LYST: variants seen among roughly 807,000 people sequenced by gnomAD.
LYST encodes lysosomal-trafficking regulator.
In LYST, 192 loss-of-function variants were observed where a neutral mutation model predicts 413.6. That is an observed-to-expected ratio of 0.46 (90% CI 0.41 to 0.52). The LOEUF (loss-of-function observed/expected upper bound fraction) is 0.52, where lower values mean the gene tolerates loss of function less well. Among genes scored for constraint, LYST ranks in the 20% least tolerant of loss-of-function variants. LYST has a pLI of 0.00. For missense variants in LYST, 3,815 were observed against 4,499.9 expected (o/e 0.85, Z 4.35); for synonymous variants, 1,525 against 1,567.3 (o/e 0.97, Z 0.64).
intron 36 of LYST, among the ~76,000 whole-genome samples, chr1:235,730,416 C>T (rs1038114068): frequency 2.0e-5 from 3 of 151,850 alleles, no homozygotes; most frequent in Non-Finnish European, 4.4e-5. Flanking sequence ...TTAATCACTA[C>T]GTTATATTGC....
chr1:235,764,795 G>A (rs1242964948), intron 21 of LYST, among the ~76,000 whole-genome samples: 1 of 151,970 alleles, frequency 6.6e-6, no homozygotes, highest in African/African-American at 2.4e-5. Flanking sequence ...GAGCCACCGT[G>A]CCTGGCCCCA....
rs1344882899 is a variant in LYST, at chr1:235,686,262, G to C, written c.10800+687C>G. ...CATGCCTGTGGTCCCAGCTACTCGAGAGGCTGAGGCACGAGAATTGATTGA... is the reference window on the plus strand; with the variant it reads ...CATGCCTGTGGTCCCAGCTACTCGACAGGCTGAGGCACGAGAATTGATTGA... On this transcript the variant is annotated intron_variant, in intron 48 of 52. Transcript: ENST00000389793. This position sits in a 1 kb window ranked among gnomAD's most constrained non-coding sequence, Gnocchi z 4.0. 2.0e-5 allele frequency among the ~76,000 whole-genome samples: 3 copies of C among 152,204 alleles called. No individual in the cohort carries two copies. Among genetic ancestry groups the C allele is most frequent in the Non-Finnish European group, 4.4e-5 (3 of 68,042 alleles).
rs375038258 is a variant in LYST at position 235,730,924 on chromosome 1, G to A, written c.8967C>T (p.Leu2989=). 1.1e-5 allele frequency: 18 copies of A among 1,613,048 alleles called. No individual in the cohort carries two copies. Among genetic ancestry groups the A allele is most frequent in the Non-Finnish European group, 1.4e-5 (17 of 1,179,200 alleles). ...GAGTTTTGTCTTCAAACAGGTAAGA[G>A]AGTGGTGGTTTGACAACATCTGTTG... ...QKSEDVVKPP[L]SYLFEDKTHS... is the part of the protein sequence containing the mutation. The change falls in exon 36 of 53, where the codon CTC becomes CTT. Residue 2989 remains leucine (L), a synonymous_variant. Coordinates refer to ENST00000389793, the MANE Select transcript of LYST (RefSeq NM_000081.4).
At chr1:235,727,689 ATTAC>A (rs1166624003) in intron 38 of LYST, among the ~76,000 whole-genome samples, 5 of 152,198 alleles carry the variant, frequency 3.3e-5, no homozygotes, top group Non-Finnish European at 7.4e-5. Context: ...GAATATCAGA[ATTAC>A]TTAAGTTATT....
chr1:235,702,104 T>C (rs186123540), intron 45 of LYST, among the ~76,000 whole-genome samples: 1 of 152,356 alleles, frequency 6.6e-6, no homozygotes, highest in Non-Finnish European at 1.5e-5. Flanking sequence ...TGCAAACCCT[T>C]ACAGTGCTTA....
chr1:235,715,078 TTC>T, intron 42 of LYST, 121 bp downstream of exon 42: 1 of 915,322 alleles, frequency 1.1e-6, no homozygotes, highest in East Asian at 2.6e-5. Flanking sequence ...ATAAATAGAA[TTC>T]TTTTTCCTGT....
chr1:235,709,378 T>C (rs1662225067), intron 43 of LYST, 70 bp from the exon 44 acceptor site: 1 of 1,254,920 alleles, frequency 8.0e-7, no homozygotes, highest in African/African-American at 1.5e-5. Flanking sequence ...AGAGCAGGTC[T>C]TAAGAGTTCA....
intron 13 of LYST, among the ~76,000 whole-genome samples, 182 bp downstream of exon 13, chr1:235,788,519 T>C (rs910340726): frequency 1.3e-5 from 2 of 152,172 alleles, no homozygotes; most frequent in African/African-American, 4.8e-5. Context: ...TTTATGGATT[T>C]TTGGATAGAA....
intron 3 of LYST, among the ~76,000 whole-genome samples, chr1:235,815,709 C>G (rs1673977827): frequency 2.0e-5 from 3 of 152,050 alleles, no homozygotes; most frequent in Admixed American, 6.5e-5. Flanking sequence ...AATAAAATAC[C>G]TAGGAATACA....
chr1:235,780,817 C>G, intron 16 of LYST, 48 bp downstream of exon 16: 1 of 739,022 alleles, frequency 1.4e-6, no homozygotes, highest in Non-Finnish European at 2.1e-6. Context: ...AATAAATATA[C>G]CTAAATACAT....
chr1:235,806,026 T>C lies in LYST; in HGVS notation c.3110A>G (p.Asp1037Gly). 3 of 1,613,982 alleles carry C rather than the reference T, an allele frequency of 1.9e-6. No homozygotes were observed. The highest frequency in any genetic ancestry group is 2.5e-6 in the Non-Finnish European group (3 of 1,179,938). Reference protein sequence around the residue: ...ISQPKRTMKEDLLSLAIKSDP... With the variant: ...ISQPKRTMKEGLLSLAIKSDP... Reference sequence around the variant, plus strand: ...ACTTTTTATAGCCAAAGATAATAAATCTTCCTTCATAGTTCTCTTAGGTTG... The same window carrying C: ...ACTTTTTATAGCCAAAGATAATAAACCTTCCTTCATAGTTCTCTTAGGTTG... The change falls in exon 6 of 53, where the codon GAT (aspartate) becomes GGT (glycine). Residue 1037 changes from aspartate (D) to glycine (G), a missense_variant. By Grantham distance (94) the Asp-to-Gly change is moderately conservative. Around this residue, in one of 4 missense-constraint regions of LYST, gnomAD observed 1,648 missense variants for 1,810.3 expected, o/e 0.91. Coordinates refer to ENST00000389793, the MANE Select transcript of LYST (RefSeq NM_000081.4).
chr1:235,741,674 G>C, intron 30 of LYST, 46 bp from the exon 31 acceptor site: 1 of 1,342,790 alleles, frequency 7.4e-7, no homozygotes, highest in Non-Finnish European at 1.1e-6. Flanking sequence ...GACTGCTTAA[G>C]CAATACCATG....
intron 48 of LYST, among the ~76,000 whole-genome samples, chr1:235,682,592 C>T (rs1659908398): frequency 6.6e-6 from 1 of 152,180 alleles, no homozygotes; most frequent in South Asian, 2.1e-4. Flanking sequence ...ATCATCCTCA[C>T]ATCTGTTTTA....
rs376744187 is a variant in LYST at position 235,664,652 on chromosome 1, C to T, written c.11039-31G>A. 2.0e-5 allele frequency: 33 copies of T among 1,613,164 alleles called. No homozygotes were observed. The highest frequency in any genetic ancestry group is 2.5e-5 in the Non-Finnish European group (30 of 1,179,448). ...ACACCCAAATCATCCGGCGGGTTACCAGAATGTGGCTGTCTCAGAGCCCAC... is the reference window on the plus strand; with the variant it reads ...ACACCCAAATCATCCGGCGGGTTACTAGAATGTGGCTGTCTCAGAGCCCAC... On this transcript the variant is annotated intron_variant, in intron 50 of 52. Coordinates refer to ENST00000389793, the MANE Select transcript of LYST (RefSeq NM_000081.4). This position sits in a 1 kb window ranked among gnomAD's most constrained non-coding sequence, Gnocchi z 4.5.
intron 3 of LYST, among the ~76,000 whole-genome samples, chr1:235,823,339 T>C (rs554989508): frequency 6.6e-6 from 1 of 152,338 alleles, no homozygotes; most frequent in East Asian, 1.9e-4. Context: ...TAGGTTTGTG[T>C]GTGAACAGAA....
chr1:235,795,121 C>G (rs372535527), intron 10 of LYST, among the ~76,000 whole-genome samples: 8 of 152,226 alleles, frequency 5.3e-5, no homozygotes, highest in South Asian at 4.2e-4. Context: ...CAGTAAGAAG[C>G]CGAGCTGTCC....
Position 235,833,621 on chromosome 1 carries a change from G to T in LYST, c.-51C>A. The stretch of plus-strand genomic sequence containing the variant: ...GTGACATTTACAGTCTATATCATTT[G>T]GACTCATAAACTAGATGAAACAAAT... On this transcript the variant is annotated 5_prime_UTR_variant, in exon 2 of 53. Transcript: ENST00000389793. 1.1e-6 allele frequency: 1 copy of T among 947,862 alleles called. No homozygotes were observed. The highest frequency in any genetic ancestry group is 1.3e-6 in the Non-Finnish European group (1 of 795,838). 58.7% of individuals were successfully genotyped at this position (947,862 alleles called of 1,614,324 possible). A position where few individuals can be genotyped will look rare whatever the true frequency, so the allele number is the denominator to read the frequency against.
At position 235,808,511 on chromosome 1, in the gene LYST, C is replaced by A. The variant is rs982624581; in HGVS notation, c.2307G>T (p.Leu769Phe). 3 of 1,613,656 alleles carry A rather than the reference C, an allele frequency of 1.9e-6. No homozygotes were observed. Among genetic ancestry groups the A allele is most frequent in the Non-Finnish European group, 2.5e-6 (3 of 1,179,890 alleles). ...CATAAATCTGAAGCACGTCCTGAGG[C>A]AAGCACTGGTTATGATGGCTACATA... ...SHVCSHHNQC[L>F]PQDVLQIYVK... The change falls in exon 5 of 53, where the codon TTG (leucine) becomes TTT (phenylalanine). Residue 769 changes from leucine (L) to phenylalanine (F), a missense_variant. Transcript: ENST00000389793.
chr1:235,746,476 C>A lies in LYST; in HGVS notation c.7832G>T (p.Arg2611Leu), dbSNP rs147536126. The stretch of plus-strand genomic sequence containing the variant: ...ATGAAGCTCATCATTTGCCACTGAA[C>A]GCATTTTCATCAGAAGCGATTCAGT... Reference protein sequence around the residue: ...AQTESLLMKMRSVANDELHVM... With the variant: ...AQTESLLMKMLSVANDELHVM... Residue 2611 changes from arginine (R) to leucine (L), a missense_variant, in exon 29 of 53, where the codon CGT becomes CTT. Arg to Leu is a moderately radical substitution (Grantham distance 102, BLOSUM62 -2). Transcript: ENST00000389793. 6.2e-7 allele frequency: 1 copy of A among 1,613,642 alleles called. No homozygotes were observed. Among genetic ancestry groups the A allele is most frequent in the Non-Finnish European group, 8.5e-7 (1 of 1,179,846 alleles).
Sources: gnomAD v4.1 joint callset for allele counts (sites outside exome capture counted in the v4.1 genomes callset) on GRCh38, gnomAD v4.1.1 for gene constraint, gnomAD v4.1.1 regional missense constraint, Gnocchi (gnomAD v3.1) non-coding constraint, MANE v1.5 for transcripts, NCBI Gene and HGNC (gene_info 2026-07-23, HGNC 2026-07-21) for gene names.